Variants in PSPC1 observed in about 807,000 individuals in gnomAD.
PSPC1 encodes paraspeckle component 1.
In PSPC1, 14 loss-of-function variants were observed where a neutral mutation model predicts 51.6. That is an observed-to-expected ratio of 0.27 (90% CI 0.18 to 0.42). The LOEUF (loss-of-function observed/expected upper bound fraction) is 0.42. PSPC1 is among the 10% of genes least tolerant of loss of function. The pLI, the probability that PSPC1 is intolerant of heterozygous loss-of-function variation, is 1.00. For synonymous variants in PSPC1, 193 were observed against 231.9 expected, an observed-to-expected ratio of 0.83 and a Z score of 1.53; for missense variants, 406 against 701.1, an observed-to-expected ratio of 0.58 and a Z score of 4.75.
At chr13:19,750,940 T>C (rs1566026826) in intron 4 of PSPC1, among the ~76,000 whole-genome samples, 1 of 152,056 alleles carries the variant, frequency 6.6e-6, no homozygotes, top group East Asian at 1.9e-4. Context: ...TGGCTAATTT[T>C]GTATTTTTAG....
intron 1 of PSPC1, among the ~76,000 whole-genome samples, chr13:19,778,269 G>A (rs1889391913): frequency 6.7e-6 from 1 of 148,226 alleles, no homozygotes; most frequent in Admixed American, 7.0e-5. Context: ...TATCTTAAAG[G>A]TTTTAGAAGA....
chr13:19,768,517 T>G (rs1593760399), intron 2 of PSPC1, among the ~76,000 whole-genome samples: 1 of 150,020 alleles, frequency 6.7e-6, no homozygotes, highest in African/African-American at 2.5e-5. Flanking sequence ...ACATGGTGGC[T>G]GGCGCCTGTA....
At chr13:19,704,088 T>C (rs1880308888) in intron 8 of PSPC1, among the ~76,000 whole-genome samples, 1 of 152,408 alleles carries the variant, frequency 6.6e-6, no homozygotes, top group Non-Finnish European at 1.5e-5. Flanking sequence ...CCAAGGGTGA[T>C]ATTTAAATAA....
chr13:19,677,296 T>C (rs890842386), intron 7 of PSPC1, among the ~76,000 whole-genome samples: 2 of 152,106 alleles, frequency 1.3e-5, no homozygotes, highest in Non-Finnish European at 2.9e-5. Context: ...AATTCTAGGT[T>C]TGGAGGTCAT....
At chr13:19,695,373 T>G (rs1879081885) in intron 6 of PSPC1, among the ~76,000 whole-genome samples, 1 of 152,232 alleles carries the variant, frequency 6.6e-6, no homozygotes, top group Non-Finnish European at 1.5e-5. Flanking sequence ...TTTTCTACAT[T>G]GTACTTCCCA....
At chr13:19,684,326 G>A (rs1877611754) in intron 6 of PSPC1, among the ~76,000 whole-genome samples, 1 of 152,128 alleles carries the variant, frequency 6.6e-6, no homozygotes, top group African/African-American at 2.4e-5. Flanking sequence ...ACAATAAATT[G>A]CATTTTTTAG....
chr13:19,711,383 T>A (rs879686334), intron 6 of PSPC1, among the ~76,000 whole-genome samples: 4 of 152,006 alleles, frequency 2.6e-5, no homozygotes, highest in Non-Finnish European at 5.9e-5. Flanking sequence ...ACGCCTGTAA[T>A]CCCAGCACTT....
intron 6 of PSPC1, among the ~76,000 whole-genome samples, chr13:19,682,239 AT>A (rs1877347335): frequency 6.6e-6 from 1 of 152,226 alleles, no homozygotes; most frequent in South Asian, 2.1e-4. Context: ...TTCAGCTGAT[AT>A]TTTGTAAGAA....
At chr13:19,702,016 G>A (rs1225365456), downstream of PSPC1, among the ~76,000 whole-genome samples, 1 of 152,158 alleles carries the variant, frequency 6.6e-6, no homozygotes, top group Non-Finnish European at 1.5e-5. Flanking sequence ...ATTTGATAGT[G>A]AAAGGAGCTA....
At chr13:19,749,565 C>T (rs1482594433) in intron 4 of PSPC1, among the ~76,000 whole-genome samples, 1 of 150,614 alleles carries the variant, frequency 6.6e-6, no homozygotes, top group African/African-American at 2.4e-5. Flanking sequence ...GATCTAACAG[C>T]TAATGAATGA....
At chr13:19,760,270 G>A (rs1887489977) in intron 2 of PSPC1, among the ~76,000 whole-genome samples, 1 of 152,162 alleles carries the variant, frequency 6.6e-6, no homozygotes, top group African/African-American at 2.4e-5. Flanking sequence ...GCTCACACCT[G>A]TAATCCCAGC....
chr13:19,672,877 T>C, downstream of PSPC1: 1 of 346,028 alleles, frequency 2.9e-6, no homozygotes, highest in Non-Finnish European at 5.6e-6. Flanking sequence ...GGTTGGAGGA[T>C]TGCTTAAGTC....
intron 6 of PSPC1, among the ~76,000 whole-genome samples, chr13:19,714,064 G>T (rs1881786564): frequency 6.6e-6 from 1 of 152,204 alleles, no homozygotes; most frequent in Non-Finnish European, 1.5e-5. Flanking sequence ...TTTAAACTAT[G>T]AATACCTGGA....
At chr13:19,714,328 ATG>A (rs1268155216) in intron 6 of PSPC1, among the ~76,000 whole-genome samples, 1 of 152,210 alleles carries the variant, frequency 6.6e-6, no homozygotes, top group Non-Finnish European at 1.5e-5. Context: ...TGAGATCAAT[ATG>A]AAGACATGTA....
Position 19,782,801 on chromosome 13 carries a change from T to A in PSPC1, c.-44A>T, listed in dbSNP as rs9508887. ...GACACCGGATACAGGCCTAGATTTATAGACAGTGTGTCTATATATATGTAT... is the reference window on the plus strand; with the variant it reads ...GACACCGGATACAGGCCTAGATTTAAAGACAGTGTGTCTATATATATGTAT... On this transcript the variant is annotated 5_prime_UTR_variant, in exon 1 of 9. Coordinates refer to ENST00000338910, the MANE Select transcript of PSPC1 (RefSeq NM_001354909.2). The surrounding 1 kb of genome is among the most constrained non-coding windows in gnomAD (Gnocchi z 4.5). The A allele has an allele frequency of 0.77, 1,153,239 of 1,490,910 alleles. 453,029 individuals carry two copies. The highest frequency in any genetic ancestry group is 0.91 in the East Asian group (35,959 of 39,520). 92.4% of individuals were successfully genotyped at this position (1,490,910 alleles called of 1,614,324 possible).
chr13:19,743,480 T>C (rs561769372), intron 4 of PSPC1, among the ~76,000 whole-genome samples: 3 of 74,470 alleles, frequency 4.0e-5, no homozygotes, highest in East Asian at 1.9e-3. Context: ...TTATAAATTA[T>C]GCAAAAAAAA....
downstream of PSPC1, chr13:19,672,022 G>T (rs1468439617): frequency 4.0e-6 from 3 of 750,790 alleles, no homozygotes; most frequent in African/African-American, 5.2e-5. Context: ...TAGTCTGTAA[G>T]ATGCGACATA....
chr13:19,772,351 C>T lies in PSPC1; in HGVS notation c.565G>A (p.Val189Met). 6.2e-7 allele frequency: 1 copy of T among 1,614,238 alleles called. No homozygotes were observed. Among genetic ancestry groups the T allele is most frequent in the Non-Finnish European group, 8.5e-7 (1 of 1,180,054 alleles). ...CCTGTAGCTCTACCGCGATCATCCA[C>T]AACCACAACAGCTTTCTCTACTGGA... ...FGPVEKAVVV[V>M]DDRGRATGKG... Residue 189 changes from valine (V) to methionine (M), a missense_variant, in exon 2 of 9, where the codon GTG becomes ATG. Physicochemically the swap from Val to Met is conservative, Grantham distance 21. Around this residue, in one of 5 missense-constraint regions of PSPC1, gnomAD observed 180 missense variants for 337.9 expected, o/e 0.53. Coordinates refer to ENST00000338910, the MANE Select transcript of PSPC1 (RefSeq NM_001354909.2).
rs1168386647 is a variant in PSPC1, at chr13:19,730,946, G to GAAAAAAAAAAAAA, written c.1053-603_1053-602insTTTTTTTTTTTTT. On this transcript the variant is annotated intron_variant, in intron 5 of 8. Transcript: ENST00000338910. ...TGGGCAACAGTGAGACCCTGTCTCA[G>GAAAAAAAAAAAAA]AAAAAAAAAACAAAAAAACAAAAAA... is the stretch of plus-strand genomic sequence containing the variant. 1.4e-3 allele frequency among the ~76,000 whole-genome samples: 36 copies of GAAAAAAAAAAAAA among 25,240 alleles called. 3 individuals are homozygous for GAAAAAAAAAAAAA. Among genetic ancestry groups the GAAAAAAAAAAAAA allele is most frequent in the Non-Finnish European group, 1.6e-3 (16 of 9,744 alleles). 16.6% of individuals were successfully genotyped at this position (25,240 alleles called of 152,430 possible).
Sources: gnomAD v4.1 joint callset for allele counts (sites outside exome capture counted in the v4.1 genomes callset) on GRCh38, gnomAD v4.1.1 for gene constraint, gnomAD v4.1.1 regional missense constraint, Gnocchi (gnomAD v3.1) non-coding constraint, MANE v1.5 for transcripts, NCBI Gene and HGNC (gene_info 2026-07-23, HGNC 2026-07-21) for gene names.